Variants in RIOK1 observed in about 807,000 individuals in gnomAD.
RIOK1 encodes the protein serine/threonine-protein kinase RIO1.
In RIOK1, 66 loss-of-function variants were observed where a neutral mutation model predicts 73.5. The ratio of observed to expected loss-of-function variants is 0.90; its 90% CI spans 0.74 to 1.10. RIOK1 has a LOEUF of 1.10. Among genes scored for constraint, RIOK1 ranks in the 50% least tolerant of loss-of-function variants. RIOK1 has a pLI of 0.00. For missense variants in RIOK1, 658 were observed against 699.8 expected (o/e 0.94, Z 0.67); for synonymous variants, 224 against 226.8 (o/e 0.99, Z 0.11).
chr6:7,397,636 G>A (rs1184117570), intron 4 of RIOK1, among the ~76,000 whole-genome samples: 2 of 152,278 alleles, frequency 1.3e-5, no homozygotes, highest in Non-Finnish European at 2.9e-5. Context: ...AGAATTGAAC[G>A]TAAAAGCCAG....
chr6:7,391,786 C>A (rs1015326483), intron 1 of RIOK1, among the ~76,000 whole-genome samples: 21 of 152,284 alleles, frequency 1.4e-4, no homozygotes, highest in African/African-American at 4.8e-4. Flanking sequence ...GACAGTCCCC[C>A]ACAACGAAGA....
Position 7,398,809 on chromosome 6 carries a change from G to T in RIOK1, c.480+69G>T, listed in dbSNP as rs943760409. The T allele has an allele frequency of 5.1e-5, 67 of 1,325,840 alleles. 1 individual carries two copies. The highest frequency in any genetic ancestry group is 6.8e-5 in the Non-Finnish European group (63 of 933,100). The allele number at this position is 1,325,840 out of a possible 1,614,324, so 82.1% of individuals were successfully genotyped here. ...TTCTTCTCTCTTTGAATTGTAGTTT[G>T]CTTTTATCCTTTTTGCTTAATGCTA... On this transcript the variant is annotated intron_variant, in intron 5 of 16. Transcript: ENST00000379834.
intron 12 of RIOK1, among the ~76,000 whole-genome samples, chr6:7,408,635 G>A (rs1204676029): frequency 6.6e-6 from 1 of 152,044 alleles, no homozygotes; most frequent in Non-Finnish European, 1.5e-5. Context: ...CTGGCCCATA[G>A]TAGGCAATCA....
chr6:7,413,850 G>C (rs1419843695), intron 15 of RIOK1, among the ~76,000 whole-genome samples: 1 of 152,172 alleles, frequency 6.6e-6, no homozygotes, highest in Non-Finnish European at 1.5e-5. Flanking sequence ...TTTATTGCTA[G>C]AAATGTGGTT....
chr6:7,412,210 A>T (rs1416223854), intron 14 of RIOK1, among the ~76,000 whole-genome samples: 2 of 151,534 alleles, frequency 1.3e-5, no homozygotes, highest in Non-Finnish European at 2.9e-5. Flanking sequence ...AAAATACAAA[A>T]ATTAGCCAGG....
At chr6:7,413,230 T>C (rs1581724120) in intron 15 of RIOK1, among the ~76,000 whole-genome samples, 2 of 152,156 alleles carry the variant, frequency 1.3e-5, no homozygotes, top group Non-Finnish European at 2.9e-5. Flanking sequence ...ATCCTGGTCG[T>C]CATTTGTGGA....
intron 12 of RIOK1, among the ~76,000 whole-genome samples, chr6:7,407,813 A>G (rs1458634129): frequency 6.6e-6 from 1 of 151,164 alleles, no homozygotes; most frequent in Non-Finnish European, 1.5e-5. Flanking sequence ...TTTTTTAATC[A>G]GGTTTGGTTT....
intron 10 of RIOK1, 141 bp from the exon 11 acceptor site, chr6:7,404,777 C>T (rs1439615035): frequency 1.1e-6 from 1 of 880,530 alleles, no homozygotes. Context: ...CCAGTTCCAT[C>T]TGTTAGTCAA....
In RIOK1 at chr6:7,402,710, A is replaced by G. The variant is rs1235840400; in HGVS notation, c.681A>G (p.Glu227=). 6.2e-7 allele frequency: 1 copy of G among 1,609,202 alleles called. No individual in the cohort carries two copies. The highest frequency in any genetic ancestry group is 8.5e-7 in the Non-Finnish European group (1 of 1,177,620). ...FKDRDKYVSG[E]FRFRHGYCKG... ...ATCGGGATAAATATGTAAGTGGAGA[A>G]TTCAGGTAAGTTCAGATTTTTCCCT... Residue 227 remains glutamate (E), a synonymous_variant, in exon 7 of 17, where the codon GAA becomes GAG. Coordinates refer to ENST00000379834, the MANE Select transcript of RIOK1 (RefSeq NM_031480.3).
At chr6:7,405,926 T>A (rs1249220344) in intron 12 of RIOK1, among the ~76,000 whole-genome samples, 2 of 151,850 alleles carry the variant, frequency 1.3e-5, no homozygotes, top group Non-Finnish European at 2.9e-5. Context: ...GGTCATTAAT[T>A]CTTTTCCCTT....
At chr6:7,400,433 G>A (rs1761582258) in intron 5 of RIOK1, among the ~76,000 whole-genome samples, 1 of 152,158 alleles carries the variant, frequency 6.6e-6, no homozygotes, top group Non-Finnish European at 1.5e-5. Context: ...CTTGAGATGT[G>A]GCCAGTCTGA....
intron 14 of RIOK1, 178 bp downstream of exon 14, chr6:7,411,629 G>A: frequency 1.7e-6 from 1 of 575,560 alleles, no homozygotes; most frequent in Admixed American, 3.4e-5. Flanking sequence ...GAATTATTTG[G>A]AATTTATGAG....
chr6:7,398,625 A>G (rs1035767289), intron 4 of RIOK1, 73 bp from the exon 5 acceptor site: 1 of 1,114,238 alleles, frequency 9.0e-7, no homozygotes, highest in Non-Finnish European at 1.4e-6. Context: ...TCATGAAATT[A>G]TCTACATTTA....
At chr6:7,407,427 G>A (rs910554122) in intron 12 of RIOK1, among the ~76,000 whole-genome samples, 3 of 151,864 alleles carry the variant, frequency 2.0e-5, no homozygotes, top group Non-Finnish European at 4.4e-5. Context: ...GATTACTAGT[G>A]ACGTTGAGCA....
intron 4 of RIOK1, among the ~76,000 whole-genome samples, chr6:7,397,039 G>C (rs533947563): frequency 6.6e-6 from 1 of 152,192 alleles, no homozygotes; most frequent in Non-Finnish European, 1.5e-5. Context: ...CGAGCTGTGG[G>C]GATCACTTGA....
chr6:7,403,328 T>C (rs748578645), intron 8 of RIOK1, among the ~76,000 whole-genome samples: 2 of 152,240 alleles, frequency 1.3e-5, no homozygotes, highest in Non-Finnish European at 2.9e-5. Context: ...TCGTGAACTC[T>C]TTGTTTATCA....
At chr6:7,411,240 T>TTC in intron 13 of RIOK1, 92 bp from the exon 14 acceptor site, 1 of 1,369,712 alleles carries the variant, frequency 7.3e-7, no homozygotes, top group Non-Finnish European at 1.0e-6. Flanking sequence ...AATGAATATA[T>TTC]AGATTCCCCT....
Position 7,402,587 on chromosome 6 carries a change from T to C in RIOK1, c.574-16T>C. The C allele has an allele frequency of 1.9e-6, 3 of 1,550,778 alleles. No homozygotes were observed. The highest frequency in any genetic ancestry group is 2.6e-6 in the Non-Finnish European group (3 of 1,152,136). On this transcript the variant is annotated splice_polypyrimidine_tract_variant and intron_variant, in intron 6 of 16. Coordinates refer to ENST00000379834, the MANE Select transcript of RIOK1 (RefSeq NM_031480.3). ...TAACATAAACTTCATTTTCTTTTTT[T>C]TTTGACTTAATATAGGCTAATGTAT... is the stretch of plus-strand genomic sequence containing the variant.
At chr6:7,401,102 A>G in intron 6 of RIOK1, 52 bp downstream of exon 6, 1 of 1,193,096 alleles carries the variant, frequency 8.4e-7, no homozygotes, top group Non-Finnish European at 1.2e-6. Context: ...TTCAGATACC[A>G]GATGAAACTG....
Sources: allele counts gnomAD v4.1 joint callset (sites outside exome capture counted in the v4.1 genomes callset), GRCh38; gene constraint gnomAD v4.1.1; transcripts MANE v1.5; gene names NCBI Gene and HGNC (gene_info 2026-07-23, HGNC 2026-07-21).